NAV1: variants seen among roughly 807,000 people sequenced by gnomAD.
The protein encoded by NAV1 is pore membrane and/or filament interacting like protein 3.
NAV1 carries 18 observed loss-of-function variants against 175.2 expected under a neutral mutation model. That is an observed-to-expected ratio of 0.10 (90% CI 0.07 to 0.15). The LOEUF is 0.15. Among genes scored for constraint, NAV1 ranks in the 10% least tolerant of loss-of-function variants. NAV1 has a pLI of 1.00. For synonymous variants in NAV1, 897 were observed against 978.7 expected (o/e 0.92, Z 1.56); for missense variants, 1,731 against 2,436.6 (o/e 0.71, Z 6.10).
chr1:201,652,056 T>C (rs1669225308), intron 1 of NAV1, among the ~76,000 whole-genome samples: 1 of 151,962 alleles, frequency 6.6e-6, no homozygotes, highest in Admixed American at 6.5e-5. Context: ...ATGATGGTGG[T>C]GTTCAGGTAT....
chr1:201,785,282 CTTTTTTT>C, intron 7 of NAV1, 21 bp from the exon 12 acceptor site: 10 of 1,474,618 alleles, frequency 6.8e-6, no homozygotes, highest in South Asian at 2.5e-5. Context: ...CTCTCTCTCT[CTTTTTTT>C]TTTTTTTTTT....
chr1:201,623,054 G>C (rs1029106014), exon 1 of NAV1: 1 of 985,954 alleles, frequency 1.0e-6, no homozygotes, highest in Middle Eastern at 5.2e-4. Context: ...GCCTCCCCCA[G>C]ACTGGGAAAG....
intron 1 of NAV1, among the ~76,000 whole-genome samples, chr1:201,706,114 G>C (rs1671655786): frequency 6.6e-6 from 1 of 152,212 alleles, no homozygotes; most frequent in Non-Finnish European, 1.5e-5. Flanking sequence ...TTGACTCATT[G>C]TAAGCACCAG....
intron 2 of NAV1, among the ~76,000 whole-genome samples, chr1:201,614,925 G>A (rs1383925499): frequency 6.6e-6 from 1 of 152,210 alleles, no homozygotes; most frequent in Non-Finnish European, 1.5e-5. Context: ...TATAGGCAAA[G>A]CACTTAGAAC....
chr1:201,547,933 A>G (rs539385621), intron 1 of NAV1, among the ~76,000 whole-genome samples: 1 of 152,202 alleles, frequency 6.6e-6, no homozygotes, highest in African/African-American at 2.4e-5. Flanking sequence ...AGCTGGGATT[A>G]CGGGCACCTG....
At chr1:201,649,949 T>TCCCCGCGGTGTGAGGATTC in intron 1 of NAV1, among the ~76,000 whole-genome samples, 1 of 149,636 alleles carries the variant, frequency 6.7e-6, no homozygotes, top group Non-Finnish European at 1.5e-5. Flanking sequence ...AAGTCGGATT[T>TCCCCGCGGTGTGAGGATTC]CCCCGCGGTG....
intron 1 of NAV1, among the ~76,000 whole-genome samples, chr1:201,583,253 G>C (rs1666922866): frequency 6.6e-6 from 1 of 152,272 alleles, no homozygotes; most frequent in Non-Finnish European, 1.5e-5. Flanking sequence ...TAATAGCCCT[G>C]ATCGCTGTGC....
chr1:201,793,909 T>TGGGGGGGGGGGGGGCC, intron 14 of NAV1, 34 bp downstream of exon 18: 2 of 516,474 alleles, frequency 3.9e-6, no homozygotes, highest in Non-Finnish European at 7.8e-6. Flanking sequence ...GAGGGGTGGG[T>TGGGGGGGGGGGGGGCC]GCGGCGAGGG....
chr1:201,565,346 C>A (rs900437207), intron 1 of NAV1, among the ~76,000 whole-genome samples: 35 of 152,256 alleles, frequency 2.3e-4, no homozygotes, highest in Admixed American at 2.1e-3. Flanking sequence ...GGCCTGGTTT[C>A]TTCTGGGCTC....
chr1:201,805,248 CA>C (rs1276769669), intron 17 of NAV1, among the ~76,000 whole-genome samples: 2 of 152,072 alleles, frequency 1.3e-5, no homozygotes, highest in African/African-American at 2.4e-5. Flanking sequence ...CTGGGGAGAC[CA>C]AAAAAATTAT....
rs1020422541 is a variant in NAV1 at position 201,788,319 on chromosome 1, C to T, written c.2996-149C>T. 7.8e-6 allele frequency: 6 copies of T among 768,990 alleles called. No homozygotes were observed. Among genetic ancestry groups the T allele is most frequent in the Admixed American group, 4.3e-5 (2 of 46,362 alleles). 47.6% of individuals were successfully genotyped at this position (768,990 alleles called of 1,614,324 possible). A position where few individuals can be genotyped will look rare whatever the true frequency, so the allele number is the denominator to read the frequency against. ...CCAGCTGCTTGCACACTCCCACCAC[C>T]GCACCTGCCCCTTCCTCTCCTGCCC... On this transcript the variant is annotated intron_variant, in intron 9 of 29. Coordinates refer to ENST00000367296, the Ensembl canonical transcript of NAV1. This position sits in a 1 kb window ranked among gnomAD's most constrained non-coding sequence, Gnocchi z 5.7.
In NAV1 at chr1:201,542,672, G is replaced by C. The variant is rs552742078; in HGVS notation, c.-144+3330G>C. On this transcript the variant is annotated intron_variant, in intron 1 of 33. Coordinates refer to the NAV1 transcript ENST00000685211. Reference sequence around the variant, plus strand: ...GCCACTCTGACCTGCCTGTGGATGTGGTTCAGGTTCTTACACATGTCCTGT... The same window carrying C: ...GCCACTCTGACCTGCCTGTGGATGTCGTTCAGGTTCTTACACATGTCCTGT... Among the ~76,000 whole-genome samples the C allele has an allele frequency of 2.2e-3, 332 of 152,228 alleles. 2 individuals are homozygous for C. Among genetic ancestry groups the C allele is most frequent in the African/African-American group, 7.9e-3 (327 of 41,532 alleles).
intron 1 of NAV1, among the ~76,000 whole-genome samples, chr1:201,568,984 G>A (rs1163918497): frequency 1.3e-5 from 2 of 152,126 alleles, no homozygotes; most frequent in Non-Finnish European, 2.9e-5. Context: ...GAACCTCTGT[G>A]CAAGGTGGGG....
rs566734778 is a variant in NAV1 at position 201,787,527 on chromosome 1, A to T, written c.2996-941A>T. On this transcript the variant is annotated intron_variant, in intron 9 of 29. Transcript: ENST00000367296. This position sits in a 1 kb window ranked among gnomAD's most constrained non-coding sequence, Gnocchi z 4.3. Reference sequence around the variant, plus strand: ...GGAGGATGGGGCCAGCTTGTTCTCTATCTCCATTGAAGACCAAATAAGAAG... The same window carrying T: ...GGAGGATGGGGCCAGCTTGTTCTCTTTCTCCATTGAAGACCAAATAAGAAG... 1 of 393,846 alleles carries T rather than the reference A, an allele frequency of 2.5e-6. No individual in the cohort carries two copies. The highest frequency in any genetic ancestry group is 5.2e-6 in the Non-Finnish European group (1 of 193,780). 24.4% of individuals were successfully genotyped at this position (393,846 alleles called of 1,614,324 possible).
At chr1:201,728,621 G>C (rs1425947586) in intron 3 of NAV1, among the ~76,000 whole-genome samples, 1 of 148,292 alleles carries the variant, frequency 6.7e-6, no homozygotes, top group Admixed American at 6.7e-5. Flanking sequence ...AAAAAGAAAA[G>C]AAAAGAAAAA....
chr1:201,805,304 C>G (rs954250402), intron 17 of NAV1, among the ~76,000 whole-genome samples: 1 of 152,132 alleles, frequency 6.6e-6, no homozygotes. Flanking sequence ...AATGCTTATT[C>G]GGGCAGTAAG....
Position 201,539,238 on chromosome 1 carries a change from CTT to C in NAV1, c.-246_-245del, listed in dbSNP as rs763195826. On this transcript the variant is annotated 5_prime_UTR_variant, in exon 1 of 34. Coordinates refer to the NAV1 transcript ENST00000685211. The surrounding 1 kb of genome is among the most constrained non-coding windows in gnomAD (Gnocchi z 5.6). ...AGGCGGCCTGGGGAGCCCCGGGAAA[CTT>C]TGTGCTCGCGAGAAGCGGACCCCGC... 1.6e-4 allele frequency among the ~76,000 whole-genome samples: 25 copies of C among 152,274 alleles called. No individual in the cohort carries two copies. Among genetic ancestry groups the C allele is most frequent in the Non-Finnish European group, 3.1e-4 (21 of 68,004 alleles).
upstream of NAV1, among the ~76,000 whole-genome samples, chr1:201,646,449 A>G (rs1668980545): frequency 6.6e-6 from 1 of 152,066 alleles, no homozygotes; most frequent in Admixed American, 6.6e-5. Flanking sequence ...CAGGGACAGG[A>G]TTATTATTTT....
chr1:201,561,428 A>G (rs1054512727), intron 1 of NAV1, among the ~76,000 whole-genome samples: 2 of 151,672 alleles, frequency 1.3e-5, no homozygotes, highest in Non-Finnish European at 2.9e-5. Flanking sequence ...TCAAATCCTG[A>G]TTCTGTTACT....
Sources: allele counts gnomAD v4.1 joint callset (sites outside exome capture counted in the v4.1 genomes callset), GRCh38; gene constraint gnomAD v4.1.1; non-coding constraint Gnocchi (gnomAD v3.1); transcripts MANE v1.5; gene names NCBI Gene and HGNC (gene_info 2026-07-23, HGNC 2026-07-21).